C6orf118: variants seen among roughly 807,000 people sequenced by gnomAD.
C6orf118 encodes the protein uncharacterized protein C6orf118.
Under a neutral mutation model 50.2 loss-of-function variants are expected in C6orf118, and 50 were observed. That is an observed-to-expected ratio of 1.00 (90% CI 0.79 to 1.26). C6orf118 has a LOEUF of 1.26. Among genes scored for constraint, C6orf118 ranks in the 50% most tolerant of loss-of-function variants. C6orf118 has a pLI of 0.00. For missense variants in C6orf118, 641 were observed against 578.7 expected (o/e 1.11, Z -1.10); for synonymous variants, 239 against 230.9 (o/e 1.03, Z -0.32).
chr6:165,289,757 A>G (rs1780040369), intron 7 of C6orf118, 129 bp downstream of exon 7: 1 of 491,072 alleles, frequency 2.0e-6, no homozygotes, highest in Non-Finnish European at 3.5e-6. Flanking sequence ...AACATTTTGA[A>G]ATAAAAAGTA....
chr6:165,285,242 T>A (rs1779861176), intron 7 of C6orf118, among the ~76,000 whole-genome samples: 1 of 150,984 alleles, frequency 6.6e-6, no homozygotes, highest in Admixed American at 6.6e-5. Context: ...TGGTAAAGGG[T>A]TCAATTGAAC....
chr6:165,292,447 C>T (rs1051441399), intron 6 of C6orf118, among the ~76,000 whole-genome samples: 1 of 152,222 alleles, frequency 6.6e-6, no homozygotes, highest in African/African-American at 2.4e-5. Context: ...GTCACTGCAT[C>T]TTATTTTTAT....
chr6:165,302,879 T>C lies in C6orf118; in HGVS notation c.26-583A>G, dbSNP rs76389273. 3.1e-4 allele frequency among the ~76,000 whole-genome samples: 47 copies of C among 152,196 alleles called. No homozygotes were observed. In the East Asian group the frequency reaches 4.5e-3, roughly 14 times the overall value. On this transcript the variant is annotated intron_variant, in intron 1 of 8. Transcript: ENST00000230301. The stretch of plus-strand genomic sequence containing the variant: ...ATCAGAGTCATCATCTCAATCAAAA[T>C]TGTTGATTGACACCCAGGTGGAACC...
rs1181797010 is a variant in C6orf118, at chr6:165,306,483, A to AG, written c.25+3078_25+3079insC. ...AAAACTTAGAGTATAATAAAAAAAA[A>AG]TTATAAAAAAAAAAGAATAATATTC... On this transcript the variant is annotated intron_variant, in intron 1 of 8. Coordinates refer to ENST00000230301, the MANE Select transcript of C6orf118 (RefSeq NM_144980.4). 2.1e-5 allele frequency among the ~76,000 whole-genome samples: 3 copies of AG among 142,312 alleles called. No individual in the cohort carries two copies. In the East Asian group the frequency reaches 6.1e-4, roughly 29 times the overall value. The allele number at this position is 142,312 out of a possible 152,430, so 93.4% of individuals were successfully genotyped here. A position where few individuals can be genotyped will look rare whatever the true frequency, so the allele number is the denominator to read the frequency against.
intron 5 of C6orf118, among the ~76,000 whole-genome samples, chr6:165,297,602 C>A (rs1032722978): frequency 6.6e-6 from 1 of 151,900 alleles, no homozygotes; most frequent in Non-Finnish European, 1.5e-5. Context: ...TGTTATTCGA[C>A]CCCGGAAAAT....
chr6:165,309,217 C>T (rs1158682056), intron 1 of C6orf118, among the ~76,000 whole-genome samples: 1 of 152,256 alleles, frequency 6.6e-6, no homozygotes, highest in Admixed American at 6.5e-5. Flanking sequence ...AAATCACCCT[C>T]TGAACAGCCT....
chr6:165,281,705 G>T lies in C6orf118; in HGVS notation c.1303-12C>A. On this transcript the variant is annotated splice_polypyrimidine_tract_variant and intron_variant, in intron 7 of 8. Transcript: ENST00000230301. Reference sequence around the variant, plus strand: ...TGTATAGCTTCATGCTGGAAGAGAAGTTGTTTTAAACACAATATACTTGGT... The same window carrying T: ...TGTATAGCTTCATGCTGGAAGAGAATTTGTTTTAAACACAATATACTTGGT... The T allele has an allele frequency of 6.8e-7, 1 of 1,465,644 alleles. No individual in the cohort carries two copies. Among genetic ancestry groups the T allele is most frequent in the Non-Finnish European group, 9.1e-7 (1 of 1,095,582 alleles). 90.8% of individuals were successfully genotyped at this position (1,465,644 alleles called of 1,614,324 possible).
intron 6 of C6orf118, among the ~76,000 whole-genome samples, chr6:165,291,232 G>A (rs916533528): frequency 1.3e-5 from 2 of 152,108 alleles, no homozygotes; most frequent in African/African-American, 2.4e-5. Context: ...AACAAAAAAC[G>A]ATTTAGGAAA....
rs1407950572 is a variant in C6orf118 at position 165,302,164 on chromosome 6, C to T, written c.158G>A (p.Arg53Gln). 5 of 1,614,016 alleles carry T rather than the reference C, an allele frequency of 3.1e-6. No individual in the cohort carries two copies. The highest frequency in any genetic ancestry group is 1.7e-5 in the Admixed American group (1 of 59,996). ...AGAGATGTAGAGGTAGACGTCCTCC[C>T]GGTGGTCTTTCTGAAGCCGATTCAG... ...KLLNRLQKDH[R>Q]EDVYLYISGH... is the part of the protein sequence containing the mutation. The change falls in exon 2 of 9, where the codon CGG becomes CAG. Residue 53 changes from arginine (R) to glutamine (Q), a missense_variant. Transcript: ENST00000230301.
intron 5 of C6orf118, among the ~76,000 whole-genome samples, chr6:165,296,252 T>TTG: frequency 2.4e-5 from 1 of 42,034 alleles, no homozygotes; most frequent in Non-Finnish European, 4.2e-5. Flanking sequence ...CGTTTTTTGT[T>TTG]TTTTTTTTTT....
Position 165,280,054 on chromosome 6 carries a change from G to C in C6orf118, c.*3C>G. On this transcript the variant is annotated 3_prime_UTR_variant, in exon 9 of 9. Coordinates refer to ENST00000230301, the MANE Select transcript of C6orf118 (RefSeq NM_144980.4). Reference sequence around the variant, plus strand: ...ACTGGCCATTTGTTCAGCCACTTGAGCGTTATCTTCTGTTTCCTCTGATTT... The same window carrying C: ...ACTGGCCATTTGTTCAGCCACTTGACCGTTATCTTCTGTTTCCTCTGATTT... 2 of 1,604,100 alleles carry C rather than the reference G, an allele frequency of 1.2e-6. No individual in the cohort carries two copies. The highest frequency in any genetic ancestry group is 1.7e-6 in the Non-Finnish European group (2 of 1,177,626).
intron 6 of C6orf118, among the ~76,000 whole-genome samples, chr6:165,292,064 T>C (rs2128159426): frequency 6.6e-6 from 1 of 152,282 alleles, no homozygotes; most frequent in East Asian, 1.9e-4. Context: ...GTTAAGCTTC[T>C]ACACAAACTG....
chr6:165,281,690 C>T lies in C6orf118; in HGVS notation c.1306G>A (p.Glu436Lys). ...TTTTCTGTTTCCAATTGTATAGCTTCATGCTGGAAGAGAAGTTGTTTTAAA... is the reference window on the plus strand; with the variant it reads ...TTTTCTGTTTCCAATTGTATAGCTTTATGCTGGAAGAGAAGTTGTTTTAAA... ...TENRIKSIEH[E>K]AIQLETENMI... is the part of the protein sequence containing the mutation. The change falls in exon 8 of 9, where the codon GAA becomes AAA. Residue 436 changes from glutamate to lysine, a missense_variant. Coordinates refer to ENST00000230301, the MANE Select transcript of C6orf118 (RefSeq NM_144980.4). 6.7e-7 allele frequency: 1 copy of T among 1,484,752 alleles called. No individual in the cohort carries two copies. The highest frequency in any genetic ancestry group is 9.0e-7 in the Non-Finnish European group (1 of 1,108,890). 92.0% of individuals were successfully genotyped at this position (1,484,752 alleles called of 1,614,324 possible).
chr6:165,295,953 G>A (rs886851341), intron 5 of C6orf118, among the ~76,000 whole-genome samples: 1 of 110,770 alleles, frequency 9.0e-6, no homozygotes, highest in Non-Finnish European at 1.7e-5. Context: ...TGCCATCATA[G>A]TCAATGCTGC....
Position 165,302,070 on chromosome 6 carries a change from G to A in C6orf118, c.252C>T (p.His84=), listed in dbSNP as rs1452349243. 8.1e-6 allele frequency: 13 copies of A among 1,613,928 alleles called. No individual in the cohort carries two copies. Among genetic ancestry groups the A allele is most frequent in the Non-Finnish European group, 1.1e-5 (13 of 1,179,996 alleles). ...ETILQHWPNA[H]RPKGERASEV... ...CAGAGGCGCGCTCCCCCTTGGGCCG[G>A]TGGGCATTGGGCCAGTGCTGTAAGA... The change falls in exon 2 of 9, where the codon CAC becomes CAT. Residue 84 remains histidine, a synonymous_variant. Coordinates refer to ENST00000230301, the MANE Select transcript of C6orf118 (RefSeq NM_144980.4).
At chr6:165,290,675 A>G (rs1029283453) in intron 6 of C6orf118, among the ~76,000 whole-genome samples, 4 of 152,200 alleles carry the variant, frequency 2.6e-5, no homozygotes, top group Non-Finnish European at 5.9e-5. Flanking sequence ...GCAGAGACAC[A>G]ATCAGACAAT....
At chr6:165,291,325 G>C (rs1482935616) in intron 6 of C6orf118, among the ~76,000 whole-genome samples, 1 of 152,224 alleles carries the variant, frequency 6.6e-6, no homozygotes, top group Non-Finnish European at 1.5e-5. Context: ...CTAGGTTTTA[G>C]CTCAGTTGTA....
At chr6:165,293,595 A>G in intron 5 of C6orf118, 124 bp from the exon 6 acceptor site, 1 of 668,124 alleles carries the variant, frequency 1.5e-6, no homozygotes. Flanking sequence ...TACTTTTAAC[A>G]CGACAGATAC....
chr6:165,281,243 C>A (rs1779720191), intron 8 of C6orf118, among the ~76,000 whole-genome samples: 1 of 152,144 alleles, frequency 6.6e-6, no homozygotes, highest in African/African-American at 2.4e-5. Flanking sequence ...TCACCCTCAC[C>A]TCCAGCTTTA....
Sources: allele counts gnomAD v4.1 joint callset (sites outside exome capture counted in the v4.1 genomes callset), GRCh38; gene constraint gnomAD v4.1.1; transcripts MANE v1.5; gene names NCBI Gene and HGNC (gene_info 2026-07-23, HGNC 2026-07-21).